The following ZNF264 variants were observed in gnomAD, a reference collection of about 807,000 sequenced individuals.
The protein encoded by ZNF264 is zinc finger protein 264.
In ZNF264, 11 loss-of-function variants were observed where a neutral mutation model predicts 11.2. That is an observed-to-expected ratio of 0.98 (90% CI 0.62 to 1.63). ZNF264 has a LOEUF of 1.63. Ranked by LOEUF, ZNF264 falls within the 40% of genes most tolerant of loss-of-function variation. The pLI is 0.00. For missense variants in ZNF264, 752 were observed against 768.1 expected, an observed-to-expected ratio of 0.98 and a Z score of 0.25; for synonymous variants, 309 against 279.8, an observed-to-expected ratio of 1.10 and a Z score of -1.04.
In ZNF264 at chr19:57,221,949, C is replaced by T. The variant is rs555947412; in HGVS notation, c.*8968C>T. On this transcript the variant is annotated 3_prime_UTR_variant, in exon 4 of 4. Coordinates refer to ENST00000263095, the MANE Select transcript of ZNF264 (RefSeq NM_003417.5). ...TCCAACCTGCTGTTTTATACAGTGA[C>T]TTAAGTGGTACTAAAATGCTATATA... The T allele has an allele frequency of 1.3e-5, 2 of 152,096 alleles. No homozygotes were observed. Among genetic ancestry groups the T allele is most frequent in the Non-Finnish European group, 2.9e-5 (2 of 68,026 alleles). The allele number at this position is 152,096 out of a possible 1,614,324, so 9.4% of individuals were successfully genotyped here. A position where few individuals can be genotyped will look rare whatever the true frequency, so the allele number is the denominator to read the frequency against.
At position 57,205,431 on chromosome 19, in the gene ZNF264, C is replaced by T; in HGVS notation, c.195C>T (p.His65=). 1 of 1,612,458 alleles carries T rather than the reference C, an allele frequency of 6.2e-7. No individual in the cohort carries two copies. Among genetic ancestry groups the T allele is most frequent in the Non-Finnish European group, 8.5e-7 (1 of 1,179,378 alleles). ...TTCCCAAAGCTGAGCTGATCTGCCA[C>T]CTAGAGCATGGGCAGGAGCCATGGA... ...CPVPKAELIC[H]LEHGQEPWTR... Residue 65 remains histidine, a synonymous_variant, in exon 3 of 4, where the codon CAC becomes CAT. Coordinates refer to ENST00000263095, the MANE Select transcript of ZNF264 (RefSeq NM_003417.5).
chr19:57,204,155 G>T (rs2087273968), intron 2 of ZNF264, among the ~76,000 whole-genome samples: 1 of 150,818 alleles, frequency 6.6e-6, no homozygotes, highest in East Asian at 2.0e-4. Context: ...GGCGGAGCTT[G>T]CAGTGAGCCG....
intron 2 of ZNF264, among the ~76,000 whole-genome samples, chr19:57,199,734 C>G (rs1432552396): frequency 6.6e-6 from 1 of 151,898 alleles, no homozygotes; most frequent in Non-Finnish European, 1.5e-5. Context: ...GGGTCACACT[C>G]TGAACCTCAC....
In ZNF264 at chr19:57,212,263, A is replaced by G. The variant is rs2087344031; in HGVS notation, c.1166A>G (p.His389Arg). ...TTGGAGAGTGCAGCCCTGATTCACC[A>G]CTATGTCATCCACACTGGAGAGAAG... ...VFLESAALIHHYVIHTGEKPF... is the reference protein window; with the variant it reads ...VFLESAALIHRYVIHTGEKPF... The change falls in exon 4 of 4, where the codon CAC becomes CGC. Residue 389 changes from histidine to arginine, a missense_variant. Transcript: ENST00000263095. 1 of 1,613,974 alleles carries G rather than the reference A, an allele frequency of 6.2e-7. No individual in the cohort carries two copies.
chr19:57,198,981 C>T (rs1011473269), intron 2 of ZNF264, among the ~76,000 whole-genome samples: 5 of 151,898 alleles, frequency 3.3e-5, no homozygotes, highest in Non-Finnish European at 7.3e-5. Context: ...TCCATTCGAC[C>T]TGGAAGTTTT....
At chr19:57,193,757 C>T (rs898166177) in intron 1 of ZNF264, 118 bp from the exon 2 acceptor site, 2 of 1,422,942 alleles carry the variant, frequency 1.4e-6, no homozygotes, top group African/African-American at 1.4e-5. Flanking sequence ...GCTAGGCCCT[C>T]AGGAGGTGCT....
At chr19:57,208,156 C>G (rs1365888033) in intron 3 of ZNF264, among the ~76,000 whole-genome samples, 1 of 152,202 alleles carries the variant, frequency 6.6e-6, no homozygotes, top group Non-Finnish European at 1.5e-5. Context: ...TGCCCAGCCT[C>G]GAGTTTCTTA....
At chr19:57,204,441 G>A (rs2087276780) in intron 2 of ZNF264, among the ~76,000 whole-genome samples, 1 of 152,166 alleles carries the variant, frequency 6.6e-6, no homozygotes, top group Non-Finnish European at 1.5e-5. Flanking sequence ...ATGGGGACGG[G>A]TTTTTCCCAT....
At chr19:57,196,842 A>T (rs1032885017) in intron 2 of ZNF264, among the ~76,000 whole-genome samples, 5 of 151,844 alleles carry the variant, frequency 3.3e-5, no homozygotes, top group African/African-American at 1.2e-4. Context: ...GAAGTCCCTG[A>T]CCATCCAGCC....
At chr19:57,209,373 T>A (rs2087317256) in intron 3 of ZNF264, among the ~76,000 whole-genome samples, 1 of 152,168 alleles carries the variant, frequency 6.6e-6, no homozygotes, top group Non-Finnish European at 1.5e-5. Context: ...CTACCCAATT[T>A]TTCTAGCTTC....
At position 57,222,584 on chromosome 19, in the gene ZNF264, CA is replaced by C. The variant is rs1479292072; in HGVS notation, c.*9604del. The C allele has an allele frequency of 1.3e-5, 2 of 151,536 alleles. No individual in the cohort carries two copies. The highest frequency in any genetic ancestry group is 3.9e-4 in the East Asian group (2 of 5,174). The allele number at this position is 151,536 out of a possible 1,614,324, so 9.4% of individuals were successfully genotyped here. On this transcript the variant is annotated 3_prime_UTR_variant, in exon 4 of 4. Coordinates refer to ENST00000263095, the MANE Select transcript of ZNF264 (RefSeq NM_003417.5). ...CCACTTCAAGCTACACACACACACA[CA>C]CATATACACGTGTATGAATATATAT... is the stretch of plus-strand genomic sequence containing the variant.
chr19:57,218,120 A>G lies in ZNF264; in HGVS notation c.*5139A>G, dbSNP rs1355748398. On this transcript the variant is annotated 3_prime_UTR_variant, in exon 4 of 4. Transcript: ENST00000263095. ...AAACCTTCTATTAACATTTCTTTTC[A>G]GTTATACACTGAACTTTACTGTAGC... 1 of 152,070 alleles carries G rather than the reference A, an allele frequency of 6.6e-6. No individual in the cohort carries two copies. Among genetic ancestry groups the G allele is most frequent in the Non-Finnish European group, 1.5e-5 (1 of 68,014 alleles). The allele number at this position is 152,070 out of a possible 1,614,324, so 9.4% of individuals were successfully genotyped here.
Position 57,211,366 on chromosome 19 carries a change from A to T in ZNF264, c.269A>T (p.Lys90Ile), listed in dbSNP as rs781029911. The part of the protein sequence containing the change: ...SQDTCPGDKG[K>I]PKTTEPTTCE... ...GGATTTCTTTCAGGCGACAAAGGAA[A>T]ACCTAAGACCACAGAACCTACCACT... Residue 90 changes from lysine (K) to isoleucine (I), a missense_variant, in exon 4 of 4, where the codon AAA becomes ATA. Physicochemically the swap from Lys to Ile is moderately radical, Grantham distance 102. Transcript: ENST00000263095. The T allele has an allele frequency of 2.5e-6, 4 of 1,595,874 alleles. No homozygotes were observed. Among genetic ancestry groups the T allele is most frequent in the Non-Finnish European group, 2.6e-6 (3 of 1,169,714 alleles).
Position 57,191,814 on chromosome 19 carries a change from C to T in ZNF264, c.-100C>T. 9.8e-7 allele frequency: 1 copy of T among 1,020,348 alleles called. No homozygotes were observed. Among genetic ancestry groups the T allele is most frequent in the Non-Finnish European group, 1.3e-6 (1 of 789,966 alleles). 63.2% of individuals were successfully genotyped at this position (1,020,348 alleles called of 1,614,324 possible). On this transcript the variant is annotated 5_prime_UTR_variant, in exon 1 of 4. Transcript: ENST00000263095. ...GAGGAGGCGGCGGCCCCGAGCGCGC[C>T]TGGAAGCCCCGGGCAACCGGCCAGG...
chr19:57,219,290 T>C lies in ZNF264; in HGVS notation c.*6309T>C, dbSNP rs1442182479. 2 of 152,238 alleles carry C rather than the reference T, an allele frequency of 1.3e-5. No individual in the cohort carries two copies. The highest frequency in any genetic ancestry group is 3.8e-4 in the East Asian group (2 of 5,200). The allele number at this position is 152,238 out of a possible 1,614,324, so 9.4% of individuals were successfully genotyped here. ...ACCTCCTGCCCAGTCTTTTTTAGGCTCTCTGTCATACTTCCTCGCCTAGTC... is the reference window on the plus strand; with the variant it reads ...ACCTCCTGCCCAGTCTTTTTTAGGCCCTCTGTCATACTTCCTCGCCTAGTC... On this transcript the variant is annotated 3_prime_UTR_variant, in exon 4 of 4. Coordinates refer to ENST00000263095, the MANE Select transcript of ZNF264 (RefSeq NM_003417.5).
chr19:57,192,209 C>A, intron 1 of ZNF264: 1 of 469,286 alleles, frequency 2.1e-6, no homozygotes, highest in Non-Finnish European at 2.8e-6. Flanking sequence ...TCTGGTGGAC[C>A]AGGTCTCATT....
At chr19:57,201,882 G>T (rs1221778353) in intron 2 of ZNF264, among the ~76,000 whole-genome samples, 1 of 151,904 alleles carries the variant, frequency 6.6e-6, no homozygotes, top group Non-Finnish European at 1.5e-5. Flanking sequence ...TCCCATGAGC[G>T]CAGAGTCAGC....
rs202170718 is a variant in ZNF264, at chr19:57,212,021, A to C, written c.924A>C (p.Arg308Ser). Residue 308 changes from arginine (R) to serine (S), a missense_variant, in exon 4 of 4, where the codon AGA becomes AGC. Coordinates refer to ENST00000263095, the MANE Select transcript of ZNF264 (RefSeq NM_003417.5). ...HRSNFVLHNR[R>S]HTGEKSFVCT... ...CCAATTTTGTCTTGCATAACAGGAG[A>C]CACACTGGAGAAAAATCCTTTGTGT... The C allele has an allele frequency of 8.2e-5, 132 of 1,613,244 alleles. No homozygotes were observed. The highest frequency in any genetic ancestry group is 1.1e-4 in the Non-Finnish European group (127 of 1,179,830).
At chr19:57,205,376 A>C in intron 2 of ZNF264, 21 bp from the exon 3 acceptor site, 1 of 1,594,874 alleles carries the variant, frequency 6.3e-7, no homozygotes. Flanking sequence ...CCATGTGTCC[A>C]CTTGCTTTCT....
Sources: allele counts gnomAD v4.1 joint callset (sites outside exome capture counted in the v4.1 genomes callset), GRCh38; gene constraint gnomAD v4.1.1; transcripts MANE v1.5; gene names NCBI Gene and HGNC (gene_info 2026-07-23, HGNC 2026-07-21).